Variants in ITPK1 observed in about 807,000 individuals in gnomAD.
ITPK1 encodes the protein inositol 1,3,4-trisphosphate 5/6-kinase.
A neutral mutation model predicts 45.3 loss-of-function variants in ITPK1; 21 were observed. The ratio of observed to expected loss-of-function variants is 0.46; its 90% CI spans 0.33 to 0.67. ITPK1 has a LOEUF of 0.67. Among genes scored for constraint, ITPK1 ranks in the 30% least tolerant of loss-of-function variants. The pLI is 0.02. For synonymous variants in ITPK1, 258 were observed against 253.6 expected (o/e 1.02, Z -0.16); for missense variants, 474 against 573.5 (o/e 0.83, Z 1.77).
intron 3 of ITPK1, among the ~76,000 whole-genome samples, chr14:93,047,397 G>A (rs1373208894): frequency 6.6e-6 from 1 of 152,216 alleles, no homozygotes; most frequent in African/African-American, 2.4e-5. Flanking sequence ...GATCTTACTT[G>A]AAAACAGGGT....
At chr14:92,950,582 G>A (rs1167918662) in intron 9 of ITPK1, among the ~76,000 whole-genome samples, 1 of 152,252 alleles carries the variant, frequency 6.6e-6, no homozygotes, top group Non-Finnish European at 1.5e-5. Context: ...TTTTACAGAT[G>A]AGGAGATTAA....
In ITPK1 at chr14:93,016,823, C is replaced by A. The variant is rs114487641; in HGVS notation, c.121-22G>T. ...TCAGCTGTGAGGCAGGGAACACAGA[C>A]AAAAGCAACAACTTCAGCACCTGAG... is the stretch of plus-strand genomic sequence containing the variant. On this transcript the variant is annotated intron_variant, in intron 3 of 10. Coordinates refer to ENST00000267615, the MANE Select transcript of ITPK1 (RefSeq NM_014216.6). This position sits in a 1 kb window ranked among gnomAD's most constrained non-coding sequence, Gnocchi z 5.0. 4,014 of 1,612,546 alleles carry A rather than the reference C, an allele frequency of 2.5e-3. 91 individuals are homozygous for A. In the African/African-American group the frequency reaches 0.046, roughly 18 times the overall value.
intron 7 of ITPK1, among the ~76,000 whole-genome samples, chr14:92,959,283 C>T (rs556534069): frequency 1.3e-5 from 2 of 152,202 alleles, no homozygotes; most frequent in African/African-American, 2.4e-5. Context: ...TCCCTCAGCC[C>T]GCAGGGCCCC....
intron 2 of ITPK1, among the ~76,000 whole-genome samples, chr14:93,102,322 C>G (rs970259858): frequency 6.6e-6 from 1 of 152,272 alleles, no homozygotes; most frequent in African/African-American, 2.4e-5. Context: ...TGCTTGGGAG[C>G]TGACTGTGCA....
chr14:92,938,435 C>T lies in ITPK1; in HGVS notation c.*3126G>A, dbSNP rs1322628905. 15 of 1,502,848 alleles carry T rather than the reference C, an allele frequency of 1.0e-5. No individual in the cohort carries two copies. Among genetic ancestry groups the T allele is most frequent in the African/African-American group, 1.4e-5 (1 of 72,624 alleles). 93.1% of individuals were successfully genotyped at this position (1,502,848 alleles called of 1,614,324 possible). A position where few individuals can be genotyped will look rare whatever the true frequency, so the allele number is the denominator to read the frequency against. Reference sequence around the variant, plus strand: ...GGTCTTGGGGTGGCTGTCTGGCAGGCAACAGCTGCTTTGCTCAGTTGGCTC... The same window carrying T: ...GGTCTTGGGGTGGCTGTCTGGCAGGTAACAGCTGCTTTGCTCAGTTGGCTC... On this transcript the variant is annotated 3_prime_UTR_variant, in exon 11 of 11. Coordinates refer to ENST00000267615, the MANE Select transcript of ITPK1 (RefSeq NM_014216.6).
chr14:93,086,220 G>T (rs1891645997), intron 2 of ITPK1, among the ~76,000 whole-genome samples: 1 of 152,132 alleles, frequency 6.6e-6, no homozygotes, highest in Non-Finnish European at 1.5e-5. Context: ...CTATCCTCAA[G>T]GTACCCCACA....
rs190514620 is a variant in ITPK1 at position 92,940,589 on chromosome 14, G to A, written c.*972C>T. 7.1e-4 allele frequency: 845 copies of A among 1,193,942 alleles called. 1 individual carries two copies. Among genetic ancestry groups the A allele is most frequent in the Non-Finnish European group, 6.7e-4 (630 of 943,478 alleles). The allele number at this position is 1,193,942 out of a possible 1,614,324, so 74.0% of individuals were successfully genotyped here. On this transcript the variant is annotated 3_prime_UTR_variant, in exon 11 of 11. Coordinates refer to ENST00000267615, the MANE Select transcript of ITPK1 (RefSeq NM_014216.6). ...TGGGAAGAGGGCCCCGATCTCCATG[G>A]TGTCATGCCGAGGCTCCCGCGCCTA...
At position 92,958,324 on chromosome 14, in the gene ITPK1, G is replaced by A; in HGVS notation, c.547C>T (p.Pro183Ser). The A allele has an allele frequency of 1.9e-6, 3 of 1,614,196 alleles. No homozygotes were observed. The highest frequency in any genetic ancestry group is 1.1e-5 in the South Asian group (1 of 91,086). The change falls in exon 8 of 11, where the codon CCA (proline) becomes TCA (serine). Residue 183 changes from proline to serine, a missense_variant. Around this residue, in one of 2 missense-constraint regions of ITPK1, gnomAD observed 367 missense variants for 480.6 expected, o/e 0.76. Transcript: ENST00000267615. The surrounding 1 kb of genome is among the most constrained non-coding windows in gnomAD (Gnocchi z 4.4). Reference sequence around the variant, plus strand: ...ATGAAATTCTGGACCACGCAGGGTGGCTGGATGGCGTTCAGGCCCTCCTGG... The same window carrying A: ...ATGAAATTCTGGACCACGCAGGGTGACTGGATGGCGTTCAGGCCCTCCTGG... ...FNQEGLNAIQ[P>S]PCVVQNFINH...
At chr14:93,103,676 T>A (rs936779945) in intron 2 of ITPK1, among the ~76,000 whole-genome samples, 1 of 152,034 alleles carries the variant, frequency 6.6e-6, no homozygotes, top group East Asian at 1.9e-4. Flanking sequence ...GGGTGTTTTT[T>A]AAAAAGAAGA....
intron 3 of ITPK1, among the ~76,000 whole-genome samples, chr14:93,042,848 T>C (rs1595163219): frequency 1.3e-5 from 2 of 152,076 alleles, no homozygotes; most frequent in East Asian, 3.9e-4. Context: ...TGAAACCCCA[T>C]CTCTACTAAA....
intron 2 of ITPK1, among the ~76,000 whole-genome samples, chr14:93,108,566 T>A (rs1471312709): frequency 6.6e-6 from 1 of 152,216 alleles, no homozygotes; most frequent in Non-Finnish European, 1.5e-5. Flanking sequence ...CTCCTCAATC[T>A]CACTATCTCA....
intron 5 of ITPK1, among the ~76,000 whole-genome samples, chr14:92,969,567 T>C (rs988552934): frequency 5.3e-5 from 8 of 152,086 alleles, no homozygotes; most frequent in Admixed American, 3.9e-4. Flanking sequence ...ACCCCCACCA[T>C]CTCAGTACCA....
intron 3 of ITPK1, chr14:93,070,744 CAG>C (rs1890961189): frequency 6.6e-6 from 1 of 152,646 alleles, no homozygotes; most frequent in Non-Finnish European, 1.5e-5. Context: ...GCAGACATCA[CAG>C]AGAGTTGAAG....
intron 2 of ITPK1, among the ~76,000 whole-genome samples, chr14:93,113,178 GGAAGGCAACTAGACTTT>G (rs1187467928): frequency 1.3e-5 from 2 of 152,140 alleles, no homozygotes; most frequent in African/African-American, 4.8e-5. Context: ...TTTGGCCAAA[GGAAGGCAACTAGACTTT>G]GAAGACAACA....
chr14:93,095,866 C>T lies in ITPK1; in HGVS notation c.95+19203G>A, dbSNP rs1043608901. ...TGAAACATTTGGTTTTCTGTTCCTG[C>T]GTTAATTTGCTTAGGATAATGGCCT... is the stretch of plus-strand genomic sequence containing the variant. On this transcript the variant is annotated intron_variant, in intron 2 of 10. Coordinates refer to ENST00000267615, the MANE Select transcript of ITPK1 (RefSeq NM_014216.6). Among the ~76,000 whole-genome samples, 7 of 152,132 alleles carry T rather than the reference C, an allele frequency of 4.6e-5. No individual in the cohort carries two copies. The East Asian group carries it at 1.2e-3, about 25-fold the overall frequency.
chr14:92,998,275 G>A (rs1424037796), intron 4 of ITPK1, among the ~76,000 whole-genome samples: 2 of 152,174 alleles, frequency 1.3e-5, no homozygotes, highest in East Asian at 1.9e-4. Flanking sequence ...TAAACCTGAC[G>A]CAAGGTTTCT....
In ITPK1 at chr14:93,032,718, A is replaced by G. The variant is rs947868078; in HGVS notation, c.121-15917T>C. Among the ~76,000 whole-genome samples, 13 of 152,224 alleles carry G rather than the reference A, an allele frequency of 8.5e-5. No homozygotes were observed. The highest frequency in any genetic ancestry group is 2.9e-4 in the African/African-American group (12 of 41,462). On this transcript the variant is annotated intron_variant, in intron 3 of 10. Coordinates refer to ENST00000267615, the MANE Select transcript of ITPK1 (RefSeq NM_014216.6). This position sits in a 1 kb window ranked among gnomAD's most constrained non-coding sequence, Gnocchi z 4.0. ...TGATGCCCTTGAATATCTTCCGATTAGCCTCATCTAGAAGGCACATGTCCA... is the reference window on the plus strand; with the variant it reads ...TGATGCCCTTGAATATCTTCCGATTGGCCTCATCTAGAAGGCACATGTCCA...
chr14:92,972,459 C>T (rs577745191), intron 5 of ITPK1, among the ~76,000 whole-genome samples: 1 of 152,322 alleles, frequency 6.6e-6, no homozygotes, highest in Admixed American at 6.5e-5. Flanking sequence ...TCAGAAGAAG[C>T]TAACTCTGCC....
chr14:93,043,352 A>G (rs909607715), intron 3 of ITPK1, among the ~76,000 whole-genome samples: 1 of 152,238 alleles, frequency 6.6e-6, no homozygotes, highest in African/African-American at 2.4e-5. Context: ...AGGGCAGGAA[A>G]TACCAGTGGG....
Sources: gnomAD v4.1 joint callset for allele counts (sites outside exome capture counted in the v4.1 genomes callset) on GRCh38, gnomAD v4.1.1 for gene constraint, gnomAD v4.1.1 regional missense constraint, Gnocchi (gnomAD v3.1) non-coding constraint, MANE v1.5 for transcripts, NCBI Gene and HGNC (gene_info 2026-07-23, HGNC 2026-07-21) for gene names.